CCDC12: variants seen among roughly 807,000 people sequenced by gnomAD.
CCDC12 encodes the protein coiled-coil domain-containing protein 12.
A neutral mutation model predicts 25.7 loss-of-function variants in CCDC12; 28 were observed. The ratio of observed to expected loss-of-function variants is 1.09; its 90% CI spans 0.81 to 1.50. The LOEUF is 1.50. Ranked by LOEUF, CCDC12 falls within the 40% of genes most tolerant of loss-of-function variation. The probability of loss-of-function intolerance (pLI) is 0.00; values close to 1 mark genes in which losing one functional copy is unlikely to be tolerated. For missense variants in CCDC12, 198 were observed against 210.0 expected, an observed-to-expected ratio of 0.94 and a Z score of 0.35; for synonymous variants, 75 against 87.7, an observed-to-expected ratio of 0.86 and a Z score of 0.81.
chr3:46,936,758 C>A (rs904818886), intron 2 of CCDC12, among the ~76,000 whole-genome samples: 3 of 152,194 alleles, frequency 2.0e-5, no homozygotes, highest in African/African-American at 7.2e-5. Context: ...GAACTAGCTA[C>A]ATCAATATAT....
chr3:46,962,331 G>A lies in CCDC12; in HGVS notation c.96+14306C>T, dbSNP rs566027820. 8.6e-5 allele frequency among the ~76,000 whole-genome samples: 13 copies of A among 150,322 alleles called. No homozygotes were observed. In the East Asian group the frequency reaches 2.6e-3, roughly 30 times the overall value. On this transcript the variant is annotated intron_variant, in intron 1 of 6. Coordinates refer to ENST00000683445, the MANE Select transcript of CCDC12 (RefSeq NM_001277074.2). The stretch of plus-strand genomic sequence containing the variant: ...CACCTGTAATCCCAGCTATTCAGGA[G>A]GCTGAGGCACAAGAATTGCTTGAAC...
At chr3:46,960,415 T>A (rs2034428285) in intron 1 of CCDC12, among the ~76,000 whole-genome samples, 1 of 152,228 alleles carries the variant, frequency 6.6e-6, no homozygotes, top group Non-Finnish European at 1.5e-5. Flanking sequence ...AGGTGCTTTT[T>A]CTTCAGGATT....
At chr3:46,955,910 G>C (rs2034275842) in intron 1 of CCDC12, among the ~76,000 whole-genome samples, 1 of 152,220 alleles carries the variant, frequency 6.6e-6, no homozygotes, top group Non-Finnish European at 1.5e-5. Context: ...TCACTCTTGT[G>C]CACACCAGGG....
At chr3:46,957,056 GA>G (rs1408300845) in intron 1 of CCDC12, among the ~76,000 whole-genome samples, 2 of 152,116 alleles carry the variant, frequency 1.3e-5, no homozygotes, top group African/African-American at 4.8e-5. Flanking sequence ...CTTGGGGGAG[GA>G]AGACCCTGCC....
rs781158452 is a variant in CCDC12 at position 46,923,589 on chromosome 3, G to C, written c.306+18C>G. The C allele has an allele frequency of 2.4e-5, 39 of 1,605,496 alleles. No homozygotes were observed. In the East Asian group the frequency reaches 8.8e-4, roughly 36 times the overall value. ...CACACAGAAGCAGCGAGGATGCCAG[G>C]GTGGTCCAGGCACTCACCACCTCCT... On this transcript the variant is annotated intron_variant, in intron 4 of 6. Transcript: ENST00000683445.
chr3:46,924,938 G>A, intron 3 of CCDC12: 1 of 244,980 alleles, frequency 4.1e-6, no homozygotes, highest in South Asian at 4.4e-5. Context: ...GGTGTGGACG[G>A]CCAGAAGCTC....
chr3:46,922,423 G>A, intron 5 of CCDC12, 111 bp from the exon 6 acceptor site: 1 of 1,207,006 alleles, frequency 8.3e-7, no homozygotes. Context: ...TCGGTTGCTG[G>A]AGGGGGCTGC....
intron 2 of CCDC12, among the ~76,000 whole-genome samples, chr3:46,926,688 T>C (rs974768564): frequency 6.6e-6 from 1 of 152,150 alleles, no homozygotes; most frequent in African/African-American, 2.4e-5. Flanking sequence ...GCAGAGGCAG[T>C]GGGACAGACC....
intron 3 of CCDC12, chr3:46,925,061 A>G (rs911918893): frequency 1.1e-4 from 40 of 368,052 alleles, no homozygotes; most frequent in Non-Finnish European, 2.0e-4. Context: ...GTGTGGCTGA[A>G]TGACTGGCCC....
At chr3:46,953,168 A>T (rs139605848) in intron 1 of CCDC12, among the ~76,000 whole-genome samples, 71 of 152,268 alleles carry the variant, frequency 4.7e-4, no homozygotes, top group Non-Finnish European at 7.2e-4. Context: ...AGAGCAATGC[A>T]TGCAGAGGTG....
intron 1 of CCDC12, among the ~76,000 whole-genome samples, chr3:46,959,345 C>T (rs577936517): frequency 6.6e-6 from 1 of 152,344 alleles, no homozygotes; most frequent in East Asian, 1.9e-4. Context: ...GCTGCAGTTT[C>T]TTCAACTGCT....
intron 1 of CCDC12, among the ~76,000 whole-genome samples, chr3:46,964,226 C>G (rs2034565076): frequency 6.6e-6 from 1 of 152,078 alleles, no homozygotes; most frequent in Non-Finnish European, 1.5e-5. Context: ...CCGGCAGCTG[C>G]CCCGTCTGAG....
chr3:46,975,897 G>C (rs1443595127), intron 1 of CCDC12: 1 of 134,364 alleles, frequency 7.4e-6, no homozygotes, highest in Non-Finnish European at 1.5e-5. Context: ...CCAGGCTGGA[G>C]TACAGTGGCG....
intron 1 of CCDC12, among the ~76,000 whole-genome samples, chr3:46,967,422 A>G (rs1256962270): frequency 6.6e-6 from 1 of 151,556 alleles, no homozygotes; most frequent in East Asian, 1.9e-4. Context: ...TCCCCCTTCC[A>G]TACCTCCCAC....
At chr3:46,958,061 C>T (rs1024833824) in intron 1 of CCDC12, among the ~76,000 whole-genome samples, 2 of 151,482 alleles carry the variant, frequency 1.3e-5, no homozygotes, top group Non-Finnish European at 2.9e-5. Flanking sequence ...CAAAAGCCCA[C>T]CAAGAGTTTG....
intron 2 of CCDC12, 58 bp from the exon 3 acceptor site, chr3:46,925,593 A>G (rs1464779232): frequency 1.5e-6 from 2 of 1,343,844 alleles, no homozygotes; most frequent in African/African-American, 2.9e-5. Flanking sequence ...GGTCTCATTC[A>G]TTCATTCATA....
rs1392908967 is a variant in CCDC12, at chr3:46,923,600, C to T, written c.306+7G>A. Reference sequence around the variant, plus strand: ...AGCGAGGATGCCAGGGTGGTCCAGGCACTCACCACCTCCTCGATGACGGGC... The same window carrying T: ...AGCGAGGATGCCAGGGTGGTCCAGGTACTCACCACCTCCTCGATGACGGGC... On this transcript the variant is annotated splice_region_variant and intron_variant, in intron 4 of 6. Transcript: ENST00000683445. 1.9e-6 allele frequency: 3 copies of T among 1,604,402 alleles called. No individual in the cohort carries two copies. In the African/African-American group the frequency reaches 4.0e-5, roughly 21 times the overall value.
Position 46,937,892 on chromosome 3 carries a change from G to C in CCDC12, c.164+3106C>G, listed in dbSNP as rs60158924. On this transcript the variant is annotated intron_variant, in intron 2 of 6. Transcript: ENST00000683445. ...CTCTGGATCTGTTAAAGTCAGAAGA[G>C]TCTGCTTTTCTCTGGGGCCTACAAA... Among the ~76,000 whole-genome samples, 1,122 of 152,308 alleles carry C rather than the reference G, an allele frequency of 7.4e-3. 13 individuals carry two copies. Among genetic ancestry groups the C allele is most frequent in the African/African-American group, 0.026 (1,085 of 41,556 alleles).
chr3:46,941,698 G>GA (rs1183422844), intron 1 of CCDC12, among the ~76,000 whole-genome samples: 1 of 152,216 alleles, frequency 6.6e-6, no homozygotes, highest in East Asian at 1.9e-4. Context: ...TGGTGCCATG[G>GA]AGGGGCCATG....
Sources: allele counts gnomAD v4.1 joint callset (sites outside exome capture counted in the v4.1 genomes callset), GRCh38; gene constraint gnomAD v4.1.1; transcripts MANE v1.5; gene names NCBI Gene and HGNC (gene_info 2026-07-23, HGNC 2026-07-21).